AGO3: variants seen among roughly 807,000 people sequenced by gnomAD.
AGO3 encodes the protein protein argonaute-3.
Under a neutral mutation model 105.5 loss-of-function variants are expected in AGO3, and 16 were observed. The observed-to-expected ratio is 0.15, with a 90% CI of 0.10 to 0.23. The LOEUF is 0.23. Ranked by LOEUF, AGO3 falls within the 10% of genes least tolerant of loss-of-function variation. The probability of loss-of-function intolerance (pLI) is 1.00; values close to 1 mark genes in which losing one functional copy is unlikely to be tolerated. For missense variants in AGO3, 534 were observed against 1,088.0 expected, an observed-to-expected ratio of 0.49 and a Z score of 7.16; for synonymous variants, 340 against 367.3, an observed-to-expected ratio of 0.93 and a Z score of 0.85.
At chr1:36,026,653 A>G (rs1641518719) in intron 11 of AGO3, among the ~76,000 whole-genome samples, 1 of 152,248 alleles carries the variant, frequency 6.6e-6, no homozygotes, top group African/African-American at 2.4e-5. Context: ...AATAAACAAT[A>G]GCTAAAATGT....
rs1241602725 is a variant in AGO3, at chr1:36,013,618, T to C, written c.1150-12T>C. 6 of 1,612,420 alleles carry C rather than the reference T, an allele frequency of 3.7e-6. No homozygotes were observed. The highest frequency in any genetic ancestry group is 5.1e-6 in the Non-Finnish European group (6 of 1,178,928). ...AATTTTGAGAGTAACTACAAACTTTTTCTATTTTTAGGTAAGAAGTGCAAA... is the reference window on the plus strand; with the variant it reads ...AATTTTGAGAGTAACTACAAACTTTCTCTATTTTTAGGTAAGAAGTGCAAA... On this transcript the variant is annotated splice_polypyrimidine_tract_variant and intron_variant, in intron 9 of 18. Transcript: ENST00000373191.
chr1:35,987,339 A>G (rs1296401907), intron 5 of AGO3, among the ~76,000 whole-genome samples: 1 of 151,080 alleles, frequency 6.6e-6, no homozygotes, highest in East Asian at 1.9e-4. Flanking sequence ...GAAAAAAAAA[A>G]AAAATTAGCC....
intron 17 of AGO3, among the ~76,000 whole-genome samples, chr1:36,054,457 G>A (rs1642847828): frequency 6.6e-6 from 1 of 151,670 alleles, no homozygotes; most frequent in African/African-American, 2.4e-5. Context: ...TTTACCTTTT[G>A]TGGAGATGGA....
intron 17 of AGO3, 102 bp downstream of exon 17, chr1:36,043,650 C>A: frequency 2.1e-6 from 2 of 965,716 alleles, no homozygotes; most frequent in South Asian, 1.8e-5. Context: ...TCTTTGCATT[C>A]CAAATTGTTT....
chr1:36,012,550 T>G (rs1640670300), intron 9 of AGO3, among the ~76,000 whole-genome samples: 1 of 152,066 alleles, frequency 6.6e-6, no homozygotes, highest in South Asian at 2.1e-4. Context: ...TAAATAAATT[T>G]TATAATATGG....
At chr1:35,991,137 C>T (rs2148794402) in intron 5 of AGO3, among the ~76,000 whole-genome samples, 1 of 152,280 alleles carries the variant, frequency 6.6e-6, no homozygotes, top group South Asian at 2.1e-4. Flanking sequence ...AACCCTGTCT[C>T]TACTAAAATA....
chr1:36,059,195 A>G lies in AGO3; in HGVS notation c.*3450A>G, dbSNP rs913748910. 2 of 152,176 alleles carry G rather than the reference A, an allele frequency of 1.3e-5. No individual in the cohort carries two copies. The highest frequency in any genetic ancestry group is 2.4e-5 in the African/African-American group (1 of 41,462). 9.4% of individuals were successfully genotyped at this position (152,176 alleles called of 1,614,324 possible). On this transcript the variant is annotated 3_prime_UTR_variant, in exon 19 of 19. Transcript: ENST00000373191. ...TGCTCTTACACTAGTCAGCATTGCT[A>G]GTTTAAAGTTGATTAACTTGAAAGA... is the stretch of plus-strand genomic sequence containing the variant.
intron 12 of AGO3, among the ~76,000 whole-genome samples, chr1:36,030,785 G>C (rs1165054084): frequency 6.6e-6 from 1 of 151,854 alleles, no homozygotes; most frequent in African/African-American, 2.4e-5. Context: ...GGCCCCTCCT[G>C]GTTTTAATTG....
At chr1:35,981,770 T>G (rs1213794097) in intron 5 of AGO3, among the ~76,000 whole-genome samples, 1 of 152,204 alleles carries the variant, frequency 6.6e-6, no homozygotes, top group East Asian at 1.9e-4. Flanking sequence ...CCTTACCTCC[T>G]TCTGAGAATC....
intron 2 of AGO3, among the ~76,000 whole-genome samples, chr1:35,961,037 G>A (rs1227870399): frequency 2.0e-5 from 3 of 150,856 alleles, no homozygotes; most frequent in Non-Finnish European, 4.4e-5. Context: ...TCCACCTCCC[G>A]GGTTCACACC....
intron 2 of AGO3, among the ~76,000 whole-genome samples, chr1:35,952,148 C>CT (rs869309731): frequency 1.4e-3 from 26 of 18,062 alleles, no homozygotes; most frequent in East Asian, 4.4e-3. Flanking sequence ...TTCTTTCTTT[C>CT]TTTTTTTTTT....
intron 12 of AGO3, among the ~76,000 whole-genome samples, chr1:36,033,336 CAAA>C (rs80275011): frequency 8.0e-6 from 1 of 125,006 alleles, no homozygotes; most frequent in Non-Finnish European, 1.7e-5. Flanking sequence ...GACTCCATCT[CAAA>C]AAAAAAAAAA....
intron 12 of AGO3, among the ~76,000 whole-genome samples, chr1:36,031,403 A>G (rs1440625455): frequency 6.6e-6 from 1 of 151,900 alleles, no homozygotes; most frequent in African/African-American, 2.4e-5. Flanking sequence ...AAATTCTTTT[A>G]ATATTTCTTG....
At position 35,999,932 on chromosome 1, in the gene AGO3, A is replaced by G. The variant is rs546576224; in HGVS notation, c.659-4409A>G. Among the ~76,000 whole-genome samples the G allele has an allele frequency of 4.0e-5, 6 of 151,074 alleles. No individual in the cohort carries two copies. In the South Asian group the frequency reaches 1.0e-3, roughly 26 times the overall value. Reference sequence around the variant, plus strand: ...GGAGTTTTTTTTTTCTTTTTTATGTATCTGCCAGGTTGTAATACCATAGAG... The same window carrying G: ...GGAGTTTTTTTTTTCTTTTTTATGTGTCTGCCAGGTTGTAATACCATAGAG... On this transcript the variant is annotated intron_variant, in intron 5 of 18. Transcript: ENST00000373191.
chr1:35,967,093 G>C lies in AGO3; in HGVS notation c.312+18G>C. The C allele has an allele frequency of 6.3e-7, 1 of 1,596,506 alleles. No individual in the cohort carries two copies. Among genetic ancestry groups the C allele is most frequent in the Non-Finnish European group, 8.5e-7 (1 of 1,175,018 alleles). On this transcript the variant is annotated intron_variant, in intron 3 of 18. Coordinates refer to ENST00000373191, the MANE Select transcript of AGO3 (RefSeq NM_024852.4). The stretch of plus-strand genomic sequence containing the variant: ...CTACAGGGGTAAGATATGCATTCCT[G>C]TATTGGAAAGGTATATTTTTGAAGT...
At chr1:35,935,826 A>T (rs1459817403) in intron 1 of AGO3, among the ~76,000 whole-genome samples, 1 of 152,242 alleles carries the variant, frequency 6.6e-6, no homozygotes, top group African/African-American at 2.4e-5. Context: ...AATATTATTA[A>T]TCTAACAAAA....
intron 5 of AGO3, among the ~76,000 whole-genome samples, chr1:35,991,631 G>A (rs1203216357): frequency 1.3e-5 from 2 of 150,956 alleles, no homozygotes; most frequent in African/African-American, 2.4e-5. Context: ...TTTCTGTGGT[G>A]GAAATAATTT....
intron 2 of AGO3, among the ~76,000 whole-genome samples, chr1:35,963,256 A>T (rs1475774923): frequency 3.3e-5 from 5 of 152,190 alleles, no homozygotes; most frequent in Non-Finnish European, 7.3e-5. Flanking sequence ...ATGCTGGGGG[A>T]GTGGATAGAC....
intron 5 of AGO3, among the ~76,000 whole-genome samples, chr1:35,983,809 T>C (rs932726272): frequency 1.1e-4 from 16 of 152,150 alleles, no homozygotes; most frequent in African/African-American, 3.9e-4. Context: ...AGATCTGCTA[T>C]TGCTGGTTAG....
Sources: allele counts gnomAD v4.1 joint callset (sites outside exome capture counted in the v4.1 genomes callset), GRCh38; gene constraint gnomAD v4.1.1; transcripts MANE v1.5; gene names NCBI Gene and HGNC (gene_info 2026-07-23, HGNC 2026-07-21).